Variants in MTMR9 observed in about 807,000 individuals in gnomAD.
MTMR9 encodes myotubularin-related protein 9.
A neutral mutation model predicts 69.5 loss-of-function variants in MTMR9; 39 were observed. The observed-to-expected ratio is 0.56, with a 90% CI of 0.43 to 0.73. The LOEUF (loss-of-function observed/expected upper bound fraction) is 0.73, where lower values mean the gene tolerates loss of function less well. MTMR9 is among the 30% of genes least tolerant of loss of function. MTMR9 has a pLI of 0.00. For synonymous variants in MTMR9, 354 were observed against 240.8 expected (o/e 1.47, Z -4.35); for missense variants, 900 against 671.2 (o/e 1.34, Z -3.77).
At position 11,295,255 on chromosome 8, in the gene MTMR9, G is replaced by C. The variant is rs1304044966; in HGVS notation, c.244G>C (p.Asp82His). 2 of 1,611,564 alleles carry C rather than the reference G, an allele frequency of 1.2e-6. No homozygotes were observed. The highest frequency in any genetic ancestry group is 2.7e-5 in the African/African-American group (2 of 74,964). ...TAAAGATTTTCGAATTATTCAGTTG[G>C]ATATTCCTGGAATGGAGGAATGCTT... ...KCKDFRIIQLDIPGMEECLNI... is the reference protein window; with the variant it reads ...KCKDFRIIQLHIPGMEECLNI... The change falls in exon 2 of 10, where the codon GAT (aspartate) becomes CAT (histidine). Residue 82 changes from aspartate to histidine, a missense_variant. Transcript: ENST00000221086.
chr8:11,314,974 C>G lies in MTMR9; in HGVS notation c.1023C>G (p.Leu341=), dbSNP rs201393155. The G allele has an allele frequency of 5.1e-5, 82 of 1,614,026 alleles. No homozygotes were observed. The Middle Eastern group carries it at 1.6e-3, about 32-fold the overall frequency. Residue 341 remains leucine (L), a synonymous_variant, in exon 7 of 10, where the codon CTC becomes CTG. Coordinates refer to ENST00000221086, the MANE Select transcript of MTMR9 (RefSeq NM_015458.4). The part of the protein sequence containing the change: ...IHGTEGTDST[L]QVTSLAQIIL... ...GAACAGAAGGAACTGATTCCACACTCCAGGTGACCTCCTTGGCCCAGATCA... is the reference window on the plus strand; with the variant it reads ...GAACAGAAGGAACTGATTCCACACTGCAGGTGACCTCCTTGGCCCAGATCA...
chr8:11,336,238 A>G, the MTMR9 span, among the ~76,000 whole-genome samples: 2 of 152,190 alleles, frequency 1.3e-5, no homozygotes, highest in Non-Finnish European at 2.9e-5. Flanking sequence ...GGTCTTGCCC[A>G]GAGGAAGTCC....
the MTMR9 span, among the ~76,000 whole-genome samples, chr8:11,337,315 G>C: frequency 2.0e-5 from 3 of 152,234 alleles, no homozygotes; most frequent in South Asian, 6.2e-4. Context: ...AAAGGGTCAT[G>C]ATGCATCACT....
In MTMR9 at chr8:11,306,115, C is replaced by G. The variant is rs961856230; in HGVS notation, c.592-75C>G. 3.9e-6 allele frequency: 5 copies of G among 1,269,764 alleles called. No individual in the cohort carries two copies. In the African/African-American group the frequency reaches 5.9e-5, roughly 15 times the overall value. The allele number at this position is 1,269,764 out of a possible 1,614,324, so 78.7% of individuals were successfully genotyped here. On this transcript the variant is annotated intron_variant, in intron 4 of 9. Coordinates refer to ENST00000221086, the MANE Select transcript of MTMR9 (RefSeq NM_015458.4). ...CAATTGTTTTTGAGATACTCTTAAT[C>G]TAGCTAATTTCTTTCTGTTTTCAGA...
downstream of MTMR9, chr8:11,331,138 C>G: frequency 6.2e-7 from 1 of 1,607,554 alleles, no homozygotes. Flanking sequence ...TTCAACCTGC[C>G]TGACTCCACA....
At chr8:11,321,129 T>A (rs1310751659) in intron 9 of MTMR9, 1 of 166,904 alleles carries the variant, frequency 6.0e-6, no homozygotes, top group African/African-American at 2.4e-5. Context: ...CATTAGTGGC[T>A]TCCTTCCACC....
chr8:11,286,492 C>T (rs570997002), intron 1 of MTMR9, among the ~76,000 whole-genome samples: 98 of 151,530 alleles, frequency 6.5e-4, no homozygotes, highest in Non-Finnish European at 6.6e-4. Flanking sequence ...TGATGAAAGC[C>T]CGTCTCTACT....
the MTMR9 span, among the ~76,000 whole-genome samples, chr8:11,333,197 A>C: frequency 6.6e-6 from 1 of 152,250 alleles, no homozygotes; most frequent in Admixed American, 6.5e-5. Flanking sequence ...AGAGATTCAT[A>C]CCAAGACACA....
chr8:11,311,656 T>C (rs535549486), intron 6 of MTMR9, among the ~76,000 whole-genome samples: 1 of 152,338 alleles, frequency 6.6e-6, no homozygotes, highest in Non-Finnish European at 1.5e-5. Flanking sequence ...TGCTGACTGA[T>C]CAGGGTGGTA....
downstream of MTMR9, among the ~76,000 whole-genome samples, chr8:11,329,038 C>A (rs1801075294): frequency 6.6e-6 from 1 of 152,166 alleles, no homozygotes; most frequent in Admixed American, 6.5e-5. Context: ...AAGAGACTGT[C>A]CTTTTCCCAT....
Position 11,292,674 on chromosome 8 carries a change from A to C in MTMR9, c.183-2520A>C, listed in dbSNP as rs188917651. ...AAGTGACCATCCATATAGTTTTCCC[A>C]TTTGTAATGGATTATTTGCTTTCTT... On this transcript the variant is annotated intron_variant, in intron 1 of 9. Coordinates refer to ENST00000221086, the MANE Select transcript of MTMR9 (RefSeq NM_015458.4). Among the ~76,000 whole-genome samples, 183 of 152,110 alleles carry C rather than the reference A, an allele frequency of 1.2e-3. No individual in the cohort carries two copies. The Middle Eastern group carries it at 0.02, about 17-fold the overall frequency.
the MTMR9 span, among the ~76,000 whole-genome samples, chr8:11,335,370 A>C: frequency 6.6e-6 from 1 of 152,222 alleles, no homozygotes; most frequent in African/African-American, 2.4e-5. Flanking sequence ...AATATATACA[A>C]AATCTACATG....
chr8:11,335,632 C>G, the MTMR9 span, among the ~76,000 whole-genome samples: 1 of 152,156 alleles, frequency 6.6e-6, no homozygotes, highest in African/African-American at 2.4e-5. Flanking sequence ...TGAGGACTGA[C>G]AATACTCAAC....
rs373180844 is a variant in MTMR9, at chr8:11,322,835, G to A, written c.*47G>A. 777 of 1,561,222 alleles carry A rather than the reference G, an allele frequency of 5.0e-4. 6 individuals carry two copies. The highest frequency in any genetic ancestry group is 5.2e-4 in the Middle Eastern group (3 of 5,806). On this transcript the variant is annotated 3_prime_UTR_variant, in exon 10 of 10. Coordinates refer to ENST00000221086, the MANE Select transcript of MTMR9 (RefSeq NM_015458.4). The stretch of plus-strand genomic sequence containing the variant: ...CAAGGACCTTCTTGGGCCTGTGTCC[G>A]CCGTTCTCTCCTTGTGCCCTTCAGT...
chr8:11,285,099 A>T (rs1275351555), intron 1 of MTMR9, 29 bp downstream of exon 1: 1 of 1,529,140 alleles, frequency 6.5e-7, no homozygotes, highest in East Asian at 2.5e-5. Context: ...CCAGCTCCGC[A>T]GGGAGCCGGG....
intron 4 of MTMR9, among the ~76,000 whole-genome samples, chr8:11,305,593 A>C (rs1799909376): frequency 6.6e-6 from 1 of 152,246 alleles, no homozygotes; most frequent in Non-Finnish European, 1.5e-5. Context: ...GAAAAGTTTC[A>C]AAAGCAAACA....
rs144691111 is a variant in MTMR9 at position 11,322,741 on chromosome 8, C to G, written c.1603C>G (p.Gln535Glu). The G allele has an allele frequency of 1.1e-4, 176 of 1,614,006 alleles. No homozygotes were observed. Among genetic ancestry groups the G allele is most frequent in the Non-Finnish European group, 1.5e-4 (173 of 1,179,948 alleles). ...LQAKVNILRRQLAELETEDGM... is the reference protein window; with the variant it reads ...LQAKVNILRRELAELETEDGM... ...AGCAAAAGTCAATATCCTTCGAAGG[C>G]AGTTGGCAGAACTGGAAACAGAGGA... is the stretch of plus-strand genomic sequence containing the variant. Residue 535 changes from glutamine (Q) to glutamate (E), a missense_variant, in exon 10 of 10, where the codon CAG becomes GAG. Coordinates refer to ENST00000221086, the MANE Select transcript of MTMR9 (RefSeq NM_015458.4).
In MTMR9 at chr8:11,285,079, C is replaced by G. The variant is rs764698437; in HGVS notation, c.182+9C>G. On this transcript the variant is annotated intron_variant, in intron 1 of 9. Transcript: ENST00000221086. ...GACGCCATCGACAAGCGGTGAGTGC[C>G]CGCCCCACCCCAGCTCCGCAGGGAG... is the stretch of plus-strand genomic sequence containing the variant. 7.0e-6 allele frequency: 11 copies of G among 1,566,604 alleles called. No individual in the cohort carries two copies. The highest frequency in any genetic ancestry group is 4.3e-6 in the Non-Finnish European group (5 of 1,152,350).
chr8:11,314,133 A>G (rs1800315933), intron 6 of MTMR9, among the ~76,000 whole-genome samples: 1 of 152,248 alleles, frequency 6.6e-6, no homozygotes, highest in Non-Finnish European at 1.5e-5. Flanking sequence ...GTATATGTAC[A>G]TGGGTAAAAA....
Sources: allele counts gnomAD v4.1 joint callset (sites outside exome capture counted in the v4.1 genomes callset), GRCh38; gene constraint gnomAD v4.1.1; transcripts MANE v1.5; gene names NCBI Gene and HGNC (gene_info 2026-07-23, HGNC 2026-07-21).